Variants in HDAC9 observed in about 807,000 individuals in gnomAD.
HDAC9 encodes the protein MEF-2 interacting transcription repressor (MITR) protein.
HDAC9 carries 41 observed loss-of-function variants against 139.4 expected under a neutral mutation model. The ratio of observed to expected loss-of-function variants is 0.29; its 90% CI spans 0.23 to 0.38. The LOEUF (loss-of-function observed/expected upper bound fraction) is 0.38, where lower values mean the gene tolerates loss of function less well. Among genes scored for constraint, HDAC9 ranks in the 10% least tolerant of loss-of-function variants. The pLI is 1.00. For synonymous variants in HDAC9, 517 were observed against 476.2 expected (o/e 1.09, Z -1.12); for missense variants, 1,147 against 1,297.0 (o/e 0.88, Z 1.78).
chr7:18,520,803 C>T (rs1441702481), intron 2 of HDAC9, among the ~76,000 whole-genome samples: 2 of 152,110 alleles, frequency 1.3e-5, no homozygotes, highest in South Asian at 2.1e-4. Flanking sequence ...AGAAGATAGC[C>T]CAGAAAGCTG....
At position 18,751,740 on chromosome 7, in the gene HDAC9, C is replaced by G. The variant is rs544976131; in HGVS notation, c.2043+2602C>G. Among the ~76,000 whole-genome samples the G allele has an allele frequency of 2.6e-5, 4 of 152,166 alleles. No homozygotes were observed. The East Asian group carries it at 7.7e-4, about 29-fold the overall frequency. On this transcript the variant is annotated intron_variant, in intron 14 of 25. Coordinates refer to ENST00000686413, the MANE Select transcript of HDAC9 (RefSeq NM_178425.4). ...TAAATTTTAGAAAGTATTAACTAAA[C>G]AAATGTTACCCTTGTGTAGAGACCT...
At chr7:18,778,231 C>T (rs556074634) in intron 16 of HDAC9, among the ~76,000 whole-genome samples, 88 of 151,920 alleles carry the variant, frequency 5.8e-4, no homozygotes, top group Non-Finnish European at 1.2e-3. Context: ...AGAGCATTCT[C>T]TTTTTTATTG....
intron 21 of HDAC9, among the ~76,000 whole-genome samples, chr7:18,855,398 T>C (rs1213567053): frequency 1.3e-5 from 2 of 152,058 alleles, no homozygotes; most frequent in East Asian, 3.9e-4. Flanking sequence ...GTTGCAATTG[T>C]TATTTTATTA....
chr7:18,107,975 G>C (rs1309446010), intron 1 of HDAC9, among the ~76,000 whole-genome samples: 1 of 152,172 alleles, frequency 6.6e-6, no homozygotes, highest in Non-Finnish European at 1.5e-5. Flanking sequence ...ACAAAGATTT[G>C]AGTGCAGGTA....
intron 12 of HDAC9, among the ~76,000 whole-genome samples, chr7:18,715,265 C>T (rs567445483): frequency 1.3e-5 from 2 of 151,486 alleles, no homozygotes; most frequent in South Asian, 2.1e-4. Flanking sequence ...AAAGCGGATA[C>T]TTCTGTTTAA....
At chr7:18,571,543 A>C (rs1824283938) in intron 2 of HDAC9, among the ~76,000 whole-genome samples, 1 of 152,226 alleles carries the variant, frequency 6.6e-6, no homozygotes, top group Admixed American at 6.5e-5. Flanking sequence ...CCGTTTAAAG[A>C]AATGTTTTTC....
chr7:18,793,380 G>A lies in HDAC9; in HGVS notation c.2250G>A (p.Ser750=), dbSNP rs1225877707. 1.6e-5 allele frequency: 26 copies of A among 1,583,888 alleles called. No individual in the cohort carries two copies. Among genetic ancestry groups the A allele is most frequent in the Admixed American group, 1.4e-4 (8 of 55,590 alleles). The change falls in exon 17 of 26, where the codon TCG becomes TCA. Residue 750 remains serine, a synonymous_variant. Transcript: ENST00000686413. The part of the protein sequence containing the change: ...DSDTIWNELH[S]SGAARMAVGC... Reference sequence around the variant, plus strand: ...ACACCATTTGGAATGAGCTACACTCGTCCGGTGCTGCACGCATGGCTGTTG... The same window carrying A: ...ACACCATTTGGAATGAGCTACACTCATCCGGTGCTGCACGCATGGCTGTTG...
chr7:18,588,230 T>G (rs945914836), intron 3 of HDAC9, among the ~76,000 whole-genome samples: 2 of 152,222 alleles, frequency 1.3e-5, no homozygotes, highest in Admixed American at 1.3e-4. Flanking sequence ...TTCTATTACT[T>G]TTTGGTGTAA....
chr7:18,353,410 T>G (rs1004380829), intron 1 of HDAC9, among the ~76,000 whole-genome samples: 17 of 152,178 alleles, frequency 1.1e-4, no homozygotes, highest in Non-Finnish European at 1.6e-4. Context: ...AAAACAACTG[T>G]GCTTTTTAGC....
At chr7:18,487,828 C>T (rs1375929199) in intron 1 of HDAC9, among the ~76,000 whole-genome samples, 1 of 151,992 alleles carries the variant, frequency 6.6e-6, no homozygotes, top group Non-Finnish European at 1.5e-5. Flanking sequence ...CACGTATCAA[C>T]TTGACTTTTG....
intron 17 of HDAC9, among the ~76,000 whole-genome samples, chr7:18,823,229 G>T (rs1202920203): frequency 1.3e-5 from 2 of 152,154 alleles, no homozygotes; most frequent in Non-Finnish European, 2.9e-5. Context: ...TTGAATTGCT[G>T]CTACTATCTA....
At chr7:18,840,081 A>G (rs1181360146) in intron 21 of HDAC9, among the ~76,000 whole-genome samples, 1 of 152,090 alleles carries the variant, frequency 6.6e-6, no homozygotes, top group African/African-American at 2.4e-5. Flanking sequence ...AAATGAGTGA[A>G]TGGAGGACAA....
intron 1 of HDAC9, among the ~76,000 whole-genome samples, chr7:18,426,930 G>T (rs1269241471): frequency 6.6e-6 from 1 of 152,138 alleles, no homozygotes; most frequent in Non-Finnish European, 1.5e-5. Flanking sequence ...CTTAACAATA[G>T]CACTTTCAGG....
At chr7:18,904,269 C>G (rs1047347910) in intron 22 of HDAC9, among the ~76,000 whole-genome samples, 1 of 152,004 alleles carries the variant, frequency 6.6e-6, no homozygotes, top group Middle Eastern at 3.2e-3. Context: ...ATTCTTCTTC[C>G]CAGTCCAACC....
chr7:18,107,183 G>C (rs565358632), intron 1 of HDAC9, among the ~76,000 whole-genome samples: 1 of 150,942 alleles, frequency 6.6e-6, no homozygotes, highest in Non-Finnish European at 1.5e-5. Flanking sequence ...GGGTGTTTGC[G>C]CTTCCCAAAT....
At chr7:18,236,653 C>G (rs1199682422) in intron 2 of HDAC9, among the ~76,000 whole-genome samples, 1 of 152,118 alleles carries the variant, frequency 6.6e-6, no homozygotes, top group African/African-American at 2.4e-5. Context: ...ATGAACCAAA[C>G]AGATGAAGTG....
At chr7:18,693,499 T>C (rs1048658512) in intron 12 of HDAC9, among the ~76,000 whole-genome samples, 1 of 152,166 alleles carries the variant, frequency 6.6e-6, no homozygotes, top group African/African-American at 2.4e-5. Context: ...CAATTTACTT[T>C]TAACGAAAAA....
intron 2 of HDAC9, among the ~76,000 whole-genome samples, chr7:18,571,964 GA>G (rs1260276990): frequency 3.4e-5 from 5 of 148,894 alleles, no homozygotes; most frequent in African/African-American, 1.2e-4. Context: ...ATGAACCAAT[GA>G]AACTTTTTTT....
chr7:18,778,847 A>G (rs1791002221), intron 16 of HDAC9, among the ~76,000 whole-genome samples: 1 of 152,092 alleles, frequency 6.6e-6, no homozygotes, highest in African/African-American at 2.4e-5. Context: ...TTTTCTGAAG[A>G]TAAAGAGTGA....
Sources: allele counts gnomAD v4.1 joint callset (sites outside exome capture counted in the v4.1 genomes callset), GRCh38; gene constraint gnomAD v4.1.1; transcripts MANE v1.5; gene names NCBI Gene and HGNC (gene_info 2026-07-23, HGNC 2026-07-21).